The following ZBTB38 variants were observed in gnomAD, a reference collection of about 807,000 sequenced individuals.
The protein encoded by ZBTB38 is zinc finger and BTB domain-containing protein 38.
ZBTB38 carries 20 observed loss-of-function variants against 76.8 expected under a neutral mutation model. The observed-to-expected ratio is 0.26, with a 90% confidence interval of 0.18 to 0.38. The LOEUF is 0.38. Among genes scored for constraint, ZBTB38 ranks in the 10% least tolerant of loss-of-function variants. The pLI, the probability that ZBTB38 is intolerant of heterozygous loss-of-function variation, is 1.00. For missense variants in ZBTB38, 1,082 were observed against 1,482.3 expected (o/e 0.73, Z 4.43); for synonymous variants, 504 against 544.2 (o/e 0.93, Z 1.03).
intron 1 of ZBTB38, among the ~76,000 whole-genome samples, chr3:141,333,442 A>G (rs1385231401): frequency 1.3e-5 from 2 of 152,016 alleles, no homozygotes; most frequent in African/African-American, 4.8e-5. Flanking sequence ...TCATGGCTCC[A>G]AAGCCTGCTG....
chr3:141,373,382 T>G (rs940968914), intron 2 of ZBTB38, among the ~76,000 whole-genome samples: 13 of 152,260 alleles, frequency 8.5e-5, no homozygotes, highest in African/African-American at 3.1e-4. Context: ...TGAGCCATGA[T>G]GAGCAGATGT....
chr3:141,329,927 A>G (rs193142142), intron 1 of ZBTB38, among the ~76,000 whole-genome samples: 3 of 152,200 alleles, frequency 2.0e-5, no homozygotes, highest in African/African-American at 7.2e-5. Flanking sequence ...CCAAGAGTTC[A>G]AGACTAGCCT....
intron 3 of ZBTB38, among the ~76,000 whole-genome samples, chr3:141,382,721 G>C (rs891964175): frequency 6.6e-6 from 1 of 152,024 alleles, no homozygotes; most frequent in African/African-American, 2.4e-5. Flanking sequence ...TTTTCCACCT[G>C]CTGGGCCCAG....
chr3:141,428,127 G>A (rs2076744821), intron 5 of ZBTB38, among the ~76,000 whole-genome samples: 1 of 152,180 alleles, frequency 6.6e-6, no homozygotes, highest in Non-Finnish European at 1.5e-5. Context: ...GCCCTGCTTG[G>A]AGACCTCTCT....
intron 3 of ZBTB38, 143 bp from the exon 4 acceptor site, chr3:141,386,729 T>G (rs140119493): frequency 6.2e-4 from 95 of 152,752 alleles, no homozygotes; most frequent in African/African-American, 2.2e-3. Flanking sequence ...GAAGGACACA[T>G]TCATTGTGGA....
intron 5 of ZBTB38, among the ~76,000 whole-genome samples, chr3:141,424,902 GTAA>G (rs979548149): frequency 1.3e-5 from 2 of 152,184 alleles, no homozygotes; most frequent in African/African-American, 4.8e-5. Flanking sequence ...ATTGGTAATA[GTAA>G]TAATAATAAT....
At chr3:141,422,880 AT>A (rs1477054792) in intron 5 of ZBTB38, among the ~76,000 whole-genome samples, 11 of 152,184 alleles carry the variant, frequency 7.2e-5, no homozygotes, top group Admixed American at 3.3e-4. Context: ...TATAAAAATA[AT>A]TTTTTATATA....
chr3:141,350,638 A>G (rs1943488660), intron 1 of ZBTB38, among the ~76,000 whole-genome samples: 1 of 152,212 alleles, frequency 6.6e-6, no homozygotes, highest in Non-Finnish European at 1.5e-5. Flanking sequence ...TTCTTTAGAA[A>G]GGATGTATAG....
At position 141,444,285 on chromosome 3, in the gene ZBTB38, T is replaced by A. The variant is rs536665571; in HGVS notation, c.1897T>A (p.Leu633Met). Reference sequence around the variant, plus strand: ...CCTGACCAACAGTCCAGCCATCCCATTGGAAACATCTGCATGTCAGGACAT... The same window carrying A: ...CCTGACCAACAGTCCAGCCATCCCAATGGAAACATCTGCATGTCAGGACAT... ...NTLTNSPAIP[L>M]ETSACQDIPT... The change falls in exon 6 of 6, where the codon TTG becomes ATG. Residue 633 changes from leucine (L) to methionine (M), a missense_variant. Leu to Met is a conservative substitution (Grantham distance 15, BLOSUM62 2). Coordinates refer to ENST00000321464, the MANE Select transcript of ZBTB38 (RefSeq NM_001376113.1). This position sits in a 1 kb window ranked among gnomAD's most constrained non-coding sequence, Gnocchi z 5.1. The A allele has an allele frequency of 6.2e-7, 1 of 1,614,192 alleles. No individual in the cohort carries two copies. The highest frequency in any genetic ancestry group is 8.5e-7 in the Non-Finnish European group (1 of 1,180,030).
intron 5 of ZBTB38, among the ~76,000 whole-genome samples, chr3:141,421,298 T>C (rs1327813111): frequency 6.9e-6 from 1 of 145,290 alleles, no homozygotes; most frequent in East Asian, 2.1e-4. Flanking sequence ...TTTTTTTTTT[T>C]CTGTTTTTAA....
chr3:141,345,876 C>T (rs979808465), intron 1 of ZBTB38, among the ~76,000 whole-genome samples: 3 of 152,226 alleles, frequency 2.0e-5, no homozygotes, highest in South Asian at 4.1e-4. Flanking sequence ...TGAAGACACC[C>T]CCATGGATTT....
intron 5 of ZBTB38, among the ~76,000 whole-genome samples, chr3:141,433,015 GTCCGCCTGGT>G (rs1252157672): frequency 6.6e-6 from 1 of 152,164 alleles, no homozygotes; most frequent in Non-Finnish European, 1.5e-5. Flanking sequence ...CGGACTGTTG[GTCCGCCTGGT>G]TTTTCAGCCA....
In ZBTB38 at chr3:141,445,670, C is replaced by T. The variant is rs765421115; in HGVS notation, c.3282C>T (p.Tyr1094=). The change falls in exon 6 of 6, where the codon TAC becomes TAT. Residue 1094 remains tyrosine (Y), a synonymous_variant. Coordinates refer to ENST00000321464, the MANE Select transcript of ZBTB38 (RefSeq NM_001376113.1). The surrounding 1 kb of genome is among the most constrained non-coding windows in gnomAD (Gnocchi z 6.5). ...HERIHTGEKR[Y]HCQFCFQRFL... ...GAATCCATACTGGAGAAAAGCGTTA[C>T]CACTGTCAGTTCTGCTTTCAGAGAT... 6 of 1,614,084 alleles carry T rather than the reference C, an allele frequency of 3.7e-6. No homozygotes were observed. The Admixed American group carries it at 6.7e-5, about 18-fold the overall frequency.
At chr3:141,397,592 T>G (rs1950624791) in intron 4 of ZBTB38, among the ~76,000 whole-genome samples, 2 of 152,218 alleles carry the variant, frequency 1.3e-5, no homozygotes, top group African/African-American at 4.8e-5. Context: ...AGCTTTTGAT[T>G]TAAAGTGAGA....
chr3:141,367,150 T>A (rs1944000528), upstream of ZBTB38: 1 of 152,382 alleles, frequency 6.6e-6, no homozygotes, highest in Non-Finnish European at 1.5e-5. Flanking sequence ...GAGAGTGCCG[T>A]CATGTCCTTC....
chr3:141,445,518 G>A lies in ZBTB38; in HGVS notation c.3130G>A (p.Gly1044Arg), dbSNP rs777453261. The change falls in exon 6 of 6, where the codon GGA (glycine) becomes AGA (arginine). Residue 1044 changes from glycine to arginine, a missense_variant. Transcript: ENST00000321464. The surrounding 1 kb of genome is among the most constrained non-coding windows in gnomAD (Gnocchi z 6.5). ...GAAGCCATACCAGTGCAAGACCTGC[G>A]GACGGTGCTTTTCGGTGCAAGGAAA... is the stretch of plus-strand genomic sequence containing the variant. ...GEKPYQCKTC[G>R]RCFSVQGNLQ... 7 of 1,614,058 alleles carry A rather than the reference G, an allele frequency of 4.3e-6. No homozygotes were observed. The highest frequency in any genetic ancestry group is 1.1e-5 in the South Asian group (1 of 91,084).
intron 1 of ZBTB38, among the ~76,000 whole-genome samples, chr3:141,349,893 G>GA (rs1201229569): frequency 1.3e-5 from 2 of 151,838 alleles, no homozygotes; most frequent in Non-Finnish European, 2.9e-5. Context: ...AGGATGCAAT[G>GA]AAAAAAGAAA....
In ZBTB38 at chr3:141,426,885, TG is replaced by T. The variant is rs567080983; in HGVS notation, c.1-15501del. Among the ~76,000 whole-genome samples, 334 of 152,344 alleles carry T rather than the reference TG, an allele frequency of 2.2e-3. 1 individual carries two copies. The highest frequency in any genetic ancestry group is 7.6e-3 in the African/African-American group (314 of 41,580). ...CTGTGGTTCAGTGTTTTAACTTGTT[TG>T]GGCTGTAATAGCTTTGTGGGCAGTG... On this transcript the variant is annotated intron_variant, in intron 5 of 5. Transcript: ENST00000321464.
chr3:141,445,968 G>T lies in ZBTB38; in HGVS notation c.3580G>T (p.Val1194Phe), dbSNP rs1435468325. 1.0e-5 allele frequency: 16 copies of T among 1,558,646 alleles called. No homozygotes were observed. The highest frequency in any genetic ancestry group is 1.4e-5 in the African/African-American group (1 of 72,876). ...DNIQTGVENV[V>F]L ...CATACAAACCGGTGTGGAAAATGTT[G>T]TCCTTTGAGTGGCAAGAATTAGAAA... Residue 1194 changes from valine to phenylalanine, a missense_variant, in exon 6 of 6, where the codon GTC becomes TTC. Val to Phe is a conservative substitution (Grantham distance 50). Transcript: ENST00000321464. This position sits in a 1 kb window ranked among gnomAD's most constrained non-coding sequence, Gnocchi z 6.5.
Sources: gnomAD v4.1 joint callset for allele counts (sites outside exome capture counted in the v4.1 genomes callset) on GRCh38, gnomAD v4.1.1 for gene constraint, Gnocchi (gnomAD v3.1) non-coding constraint, MANE v1.5 for transcripts, NCBI Gene and HGNC (gene_info 2026-07-23, HGNC 2026-07-21) for gene names.